DZIP3: variants seen among roughly 807,000 people sequenced by gnomAD.
The protein encoded by DZIP3 is DAZ interacting zinc finger protein 3.
A neutral mutation model predicts 162.0 loss-of-function variants in DZIP3; 118 were observed. The observed-to-expected ratio is 0.73, with a 90% CI of 0.63 to 0.85. The LOEUF is 0.85. Ranked by LOEUF, DZIP3 falls within the 40% of genes least tolerant of loss-of-function variation. The pLI, the probability that DZIP3 is intolerant of heterozygous loss-of-function variation, is 0.00. For synonymous variants in DZIP3, 438 were observed against 458.6 expected, an observed-to-expected ratio of 0.96 and a Z score of 0.57; for missense variants, 1,331 against 1,407.0, an observed-to-expected ratio of 0.95 and a Z score of 0.86.
At chr3:108,628,120 G>A (rs1050392155) in intron 7 of DZIP3, among the ~76,000 whole-genome samples, 11 of 152,048 alleles carry the variant, frequency 7.2e-5, no homozygotes, top group Non-Finnish European at 1.2e-4. Context: ...CTCGTGATCC[G>A]CCCACCTCGG....
intron 12 of DZIP3, among the ~76,000 whole-genome samples, chr3:108,639,934 C>T (rs981823576): frequency 6.6e-6 from 1 of 151,714 alleles, no homozygotes; most frequent in Non-Finnish European, 1.5e-5. Flanking sequence ...TTAGCTGCCC[C>T]ATATGTTTTG....
intron 19 of DZIP3, among the ~76,000 whole-genome samples, chr3:108,656,063 T>C (rs1943101060): frequency 6.6e-6 from 1 of 152,102 alleles, no homozygotes; most frequent in African/African-American, 2.4e-5. Context: ...ACTCCACCTC[T>C]GGGGGCAGGG....
At chr3:108,664,961 A>T (rs1019971184) in intron 21 of DZIP3, among the ~76,000 whole-genome samples, 1 of 152,180 alleles carries the variant, frequency 6.6e-6, no homozygotes, top group South Asian at 2.1e-4. Context: ...GTGCAAAGCC[A>T]TGCATACACA....
intron 24 of DZIP3, among the ~76,000 whole-genome samples, chr3:108,675,473 C>G (rs983328207): frequency 6.6e-6 from 1 of 151,938 alleles, no homozygotes; most frequent in Non-Finnish European, 1.5e-5. Flanking sequence ...CTAAGGCTTT[C>G]CTGCTTCATT....
intron 8 of DZIP3, among the ~76,000 whole-genome samples, chr3:108,631,891 T>A (rs887127061): frequency 2.0e-5 from 3 of 151,922 alleles, no homozygotes; most frequent in African/African-American, 7.2e-5. Flanking sequence ...TTTCATAATA[T>A]TTTCTTAATT....
intron 2 of DZIP3, among the ~76,000 whole-genome samples, chr3:108,607,674 A>T (rs1320386985): frequency 6.6e-6 from 1 of 152,182 alleles, no homozygotes; most frequent in African/African-American, 2.4e-5. Context: ...TTGTAAGTTT[A>T]GGAACCCCAA....
intron 2 of DZIP3, 152 bp downstream of exon 2, chr3:108,605,590 A>G: frequency 1.4e-6 from 1 of 713,930 alleles, no homozygotes; most frequent in Non-Finnish European, 2.3e-6. Context: ...GGAGTGGGCA[A>G]CTTAGATCCT....
At chr3:108,633,467 T>C (rs932412161) in intron 9 of DZIP3, among the ~76,000 whole-genome samples, 2 of 152,024 alleles carry the variant, frequency 1.3e-5, no homozygotes, top group Non-Finnish European at 2.9e-5. Flanking sequence ...GCAGGAATGA[T>C]ACTACTAAAT....
Position 108,636,679 on chromosome 3 carries a change from T to A in DZIP3, c.982T>A (p.Cys328Ser). 6.3e-7 allele frequency: 1 copy of A among 1,587,356 alleles called. No individual in the cohort carries two copies. Residue 328 changes from cysteine (C) to serine (S), a missense_variant, in exon 11 of 33, where the codon TGT becomes AGT. Around this residue, in one of 2 missense-constraint regions of DZIP3, gnomAD observed 1,278 missense variants for 1,317.1 expected, o/e 0.97. Transcript: ENST00000361582. The stretch of plus-strand genomic sequence containing the variant: ...AGGTGACATGGTAAGGATGCTGCAA[T>A]GTGATGTACCTGGAATTGTTAAAAT... ...CTGDMVRMLQCDVPGIVKILF... is the reference protein window; with the variant it reads ...CTGDMVRMLQSDVPGIVKILF...
chr3:108,631,877 T>C (rs1343182792), intron 8 of DZIP3, among the ~76,000 whole-genome samples: 1 of 151,838 alleles, frequency 6.6e-6, no homozygotes, highest in Non-Finnish European at 1.5e-5. Flanking sequence ...TCTTGTTTTA[T>C]ATATTTCATA....
intron 2 of DZIP3, 21 bp from the exon 3 acceptor site, chr3:108,608,068 C>T (rs2107493022): frequency 1.9e-6 from 3 of 1,586,922 alleles, no homozygotes; most frequent in East Asian, 2.2e-5. Flanking sequence ...TCTTAATATA[C>T]CTCATTTTCA....
At chr3:108,640,115 G>T (rs551352825) in intron 12 of DZIP3, among the ~76,000 whole-genome samples, 1 of 151,880 alleles carries the variant, frequency 6.6e-6, no homozygotes, top group South Asian at 2.1e-4. Flanking sequence ...TAATTCCTTT[G>T]CAATAATTTA....
chr3:108,605,555 A>G (rs1576348097), intron 2 of DZIP3, 117 bp downstream of exon 2: 2 of 965,056 alleles, frequency 2.1e-6, no homozygotes, highest in East Asian at 2.5e-5. Flanking sequence ...TCGACTTCAG[A>G]TCATCAGGCA....
At chr3:108,671,036 C>T (rs887297357) in intron 22 of DZIP3, among the ~76,000 whole-genome samples, 11 of 151,770 alleles carry the variant, frequency 7.2e-5, no homozygotes, top group African/African-American at 2.4e-4. Flanking sequence ...AGTCCCTTAT[C>T]GGATACATGA....
chr3:108,686,069 C>G (rs944578982), intron 27 of DZIP3, among the ~76,000 whole-genome samples: 2 of 152,090 alleles, frequency 1.3e-5, no homozygotes, highest in African/African-American at 4.8e-5. Context: ...TCAGTTTTCA[C>G]TGTTAAAAGA....
At chr3:108,626,669 G>T (rs1941604220) in intron 7 of DZIP3, among the ~76,000 whole-genome samples, 5 of 152,130 alleles carry the variant, frequency 3.3e-5, no homozygotes, top group Admixed American at 2.6e-4. Flanking sequence ...GGTTACAGTG[G>T]TTTACAAAAT....
intron 25 of DZIP3, among the ~76,000 whole-genome samples, chr3:108,677,287 T>TA (rs1466054231): frequency 1.3e-5 from 2 of 151,536 alleles, no homozygotes; most frequent in Admixed American, 1.3e-4. Context: ...TATTAACCAA[T>TA]AACGACTCCT....
Position 108,642,495 on chromosome 3 carries a change from T to C in DZIP3, c.1122T>C (p.Ser374=). The C allele has an allele frequency of 1.4e-6, 2 of 1,475,752 alleles. No homozygotes were observed. The highest frequency in any genetic ancestry group is 1.3e-5 in the South Asian group (1 of 79,920). 91.4% of individuals were successfully genotyped at this position (1,475,752 alleles called of 1,614,324 possible). The change falls in exon 13 of 33, where the codon AGT becomes AGC. Residue 374 remains serine, a synonymous_variant. Coordinates refer to ENST00000361582, the MANE Select transcript of DZIP3 (RefSeq NM_014648.4). ...ITDTDIRPKI[S]LKFNTKDEMP... Reference sequence around the variant, plus strand: ...ATACTGATATAAGACCGAAGATCAGTTTAAAATTTAATACAAAAGGTATTA... The same window carrying C: ...ATACTGATATAAGACCGAAGATCAGCTTAAAATTTAATACAAAAGGTATTA...
At chr3:108,660,996 A>AGAG (rs1363234865) in intron 19 of DZIP3, among the ~76,000 whole-genome samples, 1 of 152,194 alleles carries the variant, frequency 6.6e-6, no homozygotes, top group East Asian at 1.9e-4. Flanking sequence ...CAGGTGCTGG[A>AGAG]GAGGATATGG....
Sources: allele counts gnomAD v4.1 joint callset (sites outside exome capture counted in the v4.1 genomes callset), GRCh38; gene constraint gnomAD v4.1.1; regional missense constraint gnomAD v4.1.1; transcripts MANE v1.5; gene names NCBI Gene and HGNC (gene_info 2026-07-23, HGNC 2026-07-21).